The following SLC35F4 variants were observed in gnomAD, a reference collection of about 807,000 sequenced individuals.
The protein encoded by SLC35F4 is solute carrier family 35 member F4.
In SLC35F4, 24 loss-of-function variants were observed where a neutral mutation model predicts 44.2. That is an observed-to-expected ratio of 0.54 (90% CI 0.39 to 0.76). SLC35F4 has a LOEUF of 0.76. Ranked by LOEUF, SLC35F4 falls within the 30% of genes least tolerant of loss-of-function variation. SLC35F4 has a pLI of 0.00. For synonymous variants in SLC35F4, 238 were observed against 223.6 expected, an observed-to-expected ratio of 1.06 and a Z score of -0.57; for missense variants, 562 against 586.1, an observed-to-expected ratio of 0.96 and a Z score of 0.42.
chr14:57,776,059 C>T (rs762081760), intron 1 of SLC35F4, among the ~76,000 whole-genome samples: 15 of 151,804 alleles, frequency 9.9e-5, no homozygotes, highest in East Asian at 1.9e-4. Context: ...TCTCAGAGCT[C>T]GAAGACTGGT....
chr14:57,747,594 C>G (rs904262613), intron 1 of SLC35F4, among the ~76,000 whole-genome samples: 2 of 152,142 alleles, frequency 1.3e-5, no homozygotes, highest in South Asian at 4.1e-4. Flanking sequence ...CTAACTACTT[C>G]CCTGCTTCTG....
chr14:57,674,759 C>G (rs1160282859), intron 1 of SLC35F4, among the ~76,000 whole-genome samples: 1 of 152,042 alleles, frequency 6.6e-6, no homozygotes, highest in Non-Finnish European at 1.5e-5. Context: ...GTACCAGTAG[C>G]CAGAGTATCA....
intron 1 of SLC35F4, among the ~76,000 whole-genome samples, chr14:57,742,985 C>T (rs1229159975): frequency 1.3e-5 from 2 of 152,094 alleles, no homozygotes; most frequent in Non-Finnish European, 2.9e-5. Flanking sequence ...GGGTACGTAA[C>T]AAAATGAAGG....
intron 1 of SLC35F4, among the ~76,000 whole-genome samples, chr14:57,800,976 C>A (rs1196371344): frequency 6.6e-6 from 1 of 152,184 alleles, no homozygotes; most frequent in African/African-American, 2.4e-5. Context: ...CTTCCCCAAC[C>A]TAGCAAGACA....
chr14:57,917,185 C>T (rs561472895), intron 1 of SLC35F4, among the ~76,000 whole-genome samples: 15 of 152,142 alleles, frequency 9.9e-5, no homozygotes, highest in East Asian at 3.9e-4. Context: ...CTCAGCCTCC[C>T]GAGTAGCTGG....
At position 57,582,590 on chromosome 14, in the gene SLC35F4, T is replaced by C. The variant is rs550381495; in HGVS notation, c.588-1157A>G. On this transcript the variant is annotated intron_variant, in intron 3 of 7. Coordinates refer to ENST00000556826, the MANE Select transcript of SLC35F4 (RefSeq NM_001306087.2). ...TACAATGACTGTACCTATACGACTATGGACTGAAGACAGACTTACCACTGG... is the reference window on the plus strand; with the variant it reads ...TACAATGACTGTACCTATACGACTACGGACTGAAGACAGACTTACCACTGG... 5.6e-4 allele frequency among the ~76,000 whole-genome samples: 86 copies of C among 152,312 alleles called. 1 individual carries two copies. The South Asian group carries it at 0.017, about 31-fold the overall frequency.
intron 1 of SLC35F4, among the ~76,000 whole-genome samples, chr14:57,937,761 C>A: frequency 6.6e-6 from 1 of 151,980 alleles, no homozygotes; most frequent in Non-Finnish European, 1.5e-5. Flanking sequence ...GACTCAAAGA[C>A]CCAGGAACAT....
chr14:57,841,194 T>C (rs755758093), intron 1 of SLC35F4, among the ~76,000 whole-genome samples: 2 of 152,090 alleles, frequency 1.3e-5, no homozygotes, highest in African/African-American at 4.8e-5. Flanking sequence ...AATTGGAACA[T>C]AGGGCTAAGC....
chr14:57,920,237 A>G (rs1889416139), intron 1 of SLC35F4, among the ~76,000 whole-genome samples: 1 of 152,148 alleles, frequency 6.6e-6, no homozygotes, highest in Non-Finnish European at 1.5e-5. Context: ...AATTCTTCTG[A>G]CTTCCTAATT....
At chr14:57,812,144 C>A (rs934467200) in intron 1 of SLC35F4, among the ~76,000 whole-genome samples, 1 of 152,128 alleles carries the variant, frequency 6.6e-6, no homozygotes. Context: ...AGGGATACCA[C>A]CAAGCCAGGC....
At chr14:57,617,908 A>AGAG (rs3054449) in intron 1 of SLC35F4, among the ~76,000 whole-genome samples, 92,646 of 151,772 alleles carry the variant, frequency 0.61, 30,507 homozygotes, top group Non-Finnish European at 0.74. Flanking sequence ...TCTGTCATTC[A>AGAG]AAGAAAATAA....
chr14:57,945,922 T>G (rs979806164), intron 1 of SLC35F4, among the ~76,000 whole-genome samples: 1 of 152,204 alleles, frequency 6.6e-6, no homozygotes, highest in African/African-American at 2.4e-5. Context: ...GTATATTTTC[T>G]CTTGAGAATT....
intron 1 of SLC35F4, among the ~76,000 whole-genome samples, chr14:57,635,147 G>A (rs1435044525): frequency 6.6e-6 from 1 of 151,702 alleles, no homozygotes; most frequent in East Asian, 2.0e-4. Context: ...TTGGGAAGCT[G>A]AGGCAGGAGG....
chr14:57,585,773 A>G (rs1391140211), intron 3 of SLC35F4, among the ~76,000 whole-genome samples: 1 of 152,236 alleles, frequency 6.6e-6, no homozygotes, highest in Non-Finnish European at 1.5e-5. Flanking sequence ...CAACTTACTT[A>G]CAAGGGATTT....
intron 1 of SLC35F4, among the ~76,000 whole-genome samples, chr14:57,746,614 C>T (rs915788208): frequency 1.3e-5 from 2 of 150,698 alleles, no homozygotes; most frequent in Admixed American, 6.6e-5. Flanking sequence ...TTTTTCTTGT[C>T]ATATCTTTGT....
At chr14:57,614,460 A>G (rs1489467692) in intron 1 of SLC35F4, among the ~76,000 whole-genome samples, 2 of 152,230 alleles carry the variant, frequency 1.3e-5, no homozygotes, top group African/African-American at 4.8e-5. Context: ...CGTTATCAAC[A>G]ATGACAAATA....
At chr14:57,752,562 G>T (rs1239254517) in intron 1 of SLC35F4, among the ~76,000 whole-genome samples, 1 of 151,788 alleles carries the variant, frequency 6.6e-6, no homozygotes, top group Non-Finnish European at 1.5e-5. Flanking sequence ...CTGGGTTCAA[G>T]CTGTTCTTCT....
chr14:57,612,286 T>C (rs1325296063), intron 1 of SLC35F4, among the ~76,000 whole-genome samples: 1 of 152,040 alleles, frequency 6.6e-6, no homozygotes, highest in African/African-American at 2.4e-5. Flanking sequence ...CTGGCATTAG[T>C]GGGGCAGTCA....
intron 1 of SLC35F4, among the ~76,000 whole-genome samples, chr14:57,779,174 T>C (rs780999631): frequency 3.9e-5 from 6 of 151,942 alleles, no homozygotes; most frequent in Non-Finnish European, 4.4e-5. Flanking sequence ...ACAAAAACCA[T>C]TCAATAGATC....
Sources: gnomAD v4.1 joint callset for allele counts (sites outside exome capture counted in the v4.1 genomes callset) on GRCh38, gnomAD v4.1.1 for gene constraint, MANE v1.5 for transcripts, NCBI Gene and HGNC (gene_info 2026-07-23, HGNC 2026-07-21) for gene names.